PDCD2: variants seen among roughly 807,000 people sequenced by gnomAD.
The protein encoded by PDCD2 is uS5 assembly chaperone PDCD2.
In PDCD2, 38 loss-of-function variants were observed where a neutral mutation model predicts 38.1. The observed-to-expected ratio is 1.00, with a 90% confidence interval of 0.77 to 1.31. The LOEUF is 1.31. Among genes scored for constraint, PDCD2 ranks in the 50% most tolerant of loss-of-function variants. PDCD2 has a pLI of 0.00. For missense variants in PDCD2, 473 were observed against 435.7 expected, an observed-to-expected ratio of 1.09 and a Z score of -0.76; for synonymous variants, 205 against 168.9, an observed-to-expected ratio of 1.21 and a Z score of -1.66.
intron 1 of PDCD2, 140 bp downstream of exon 1, chr6:170,584,159 G>T: frequency 1.1e-6 from 1 of 928,708 alleles, no homozygotes; most frequent in Non-Finnish European, 1.4e-6. Context: ...GGGAGAAGGT[G>T]CTCCTGGGGC....
chr6:170,584,283 C>A lies in PDCD2; in HGVS notation c.283+16G>T, dbSNP rs918129262. 1.4e-6 allele frequency: 2 copies of A among 1,414,164 alleles called. No individual in the cohort carries two copies. The highest frequency in any genetic ancestry group is 1.8e-6 in the Non-Finnish European group (2 of 1,088,036). 87.6% of individuals were successfully genotyped at this position (1,414,164 alleles called of 1,614,324 possible). A position where few individuals can be genotyped will look rare whatever the true frequency, so the allele number is the denominator to read the frequency against. The stretch of plus-strand genomic sequence containing the variant: ...TCGGAGGCATGGCCCCGTCCCGACC[C>A]CGTTTGGCGGCTCACCTCGCAGGCC... On this transcript the variant is annotated intron_variant, in intron 1 of 5. Transcript: ENST00000541970.
At chr6:170,579,110 A>T in intron 4 of PDCD2, 140 bp from the exon 5 acceptor site, 1 of 590,094 alleles carries the variant, frequency 1.7e-6, no homozygotes, top group Non-Finnish European at 3.0e-6. Context: ...CCCCCATCAG[A>T]CCTGGCTGTA....
Position 170,584,601 on chromosome 6 carries a change from G to T in PDCD2, c.-20C>A, listed in dbSNP as rs771116468. On this transcript the variant is annotated 5_prime_UTR_variant, in exon 1 of 6. Transcript: ENST00000541970. The stretch of plus-strand genomic sequence containing the variant: ...AGCCATGCGGGGCGCGGGCTGGCGT[G>T]GGGCGCAGCCCACAGCTGGGTCGGA... The T allele has an allele frequency of 2.4e-6, 3 of 1,239,508 alleles. No individual in the cohort carries two copies. The highest frequency in any genetic ancestry group is 2.0e-6 in the Non-Finnish European group (2 of 985,250). The allele number at this position is 1,239,508 out of a possible 1,614,324, so 76.8% of individuals were successfully genotyped here. A position where few individuals can be genotyped will look rare whatever the true frequency, so the allele number is the denominator to read the frequency against.
intron 3 of PDCD2, among the ~76,000 whole-genome samples, chr6:170,580,325 G>A (rs2115012651): frequency 6.6e-6 from 1 of 152,224 alleles, no homozygotes; most frequent in Non-Finnish European, 1.5e-5. Flanking sequence ...AATGGTCAAG[G>A]GCTTAGGACT....
rs754140920 is a variant in PDCD2 at position 170,577,602 on chromosome 6, G to C, written c.992C>G (p.Thr331Arg). The C allele has an allele frequency of 6.2e-7, 1 of 1,614,076 alleles. No homozygotes were observed. Among genetic ancestry groups the C allele is most frequent in the Non-Finnish European group, 8.5e-7 (1 of 1,180,004 alleles). The change falls in exon 6 of 6, where the codon ACA (threonine) becomes AGA (arginine). Residue 331 changes from threonine to arginine, a missense_variant. Transcript: ENST00000541970. ...ATCCTGCTTCCACACAAATTCTTCT[G>C]TATAGCCAGTACCCAAGCTGCAGCT... is the stretch of plus-strand genomic sequence containing the variant. ...AESCSLGTGY[T>R]EEFVWKQDVT...
In PDCD2 at chr6:170,577,348, G is replaced by C. The variant is rs1779473482; in HGVS notation, c.*211C>G. ...CAATATAGGTGTTATAATTAAGACTGTGTAGCCTTCCTCTGTGGATGTACC... is the reference window on the plus strand; with the variant it reads ...CAATATAGGTGTTATAATTAAGACTCTGTAGCCTTCCTCTGTGGATGTACC... On this transcript the variant is annotated 3_prime_UTR_variant, in exon 6 of 6. Coordinates refer to ENST00000541970, the MANE Select transcript of PDCD2 (RefSeq NM_002598.4). 2 of 522,740 alleles carry C rather than the reference G, an allele frequency of 3.8e-6. No individual in the cohort carries two copies. The highest frequency in any genetic ancestry group is 6.9e-6 in the Non-Finnish European group (2 of 290,494). The allele number at this position is 522,740 out of a possible 1,614,324, so 32.4% of individuals were successfully genotyped here. A position where few individuals can be genotyped will look rare whatever the true frequency, so the allele number is the denominator to read the frequency against.
At chr6:170,583,357 T>G (rs77956298) in intron 2 of PDCD2, 148 bp downstream of exon 2, 2 of 203,340 alleles carry the variant, frequency 9.8e-6, no homozygotes, top group African/African-American at 5.3e-5. Flanking sequence ...CTTCACAGCC[T>G]TTTTTTTTTT....
intron 3 of PDCD2, 168 bp downstream of exon 3, chr6:170,582,889 A>T (rs1423694761): frequency 7.0e-7 from 1 of 1,433,400 alleles, no homozygotes; most frequent in Non-Finnish European, 9.1e-7. Context: ...ATGTGTCAGA[A>T]AACAAAGTCC....
Position 170,583,532 on chromosome 6 carries a change from C to A in PDCD2, c.499G>T (p.Gly167Ter). The stretch of plus-strand genomic sequence containing the variant: ...GGTTGTGCACAAGCCTGCTTATGTC[C>A]CAATCTCCAGTCTAGGGTCTGATGC... The part of the protein sequence containing the change: ...KEHQTLDWRL[G>*]HKQACAQPDH... The change falls in exon 2 of 6, where the codon GGA becomes TGA. Residue 167 changes from glycine to a stop codon, truncating the protein, a stop_gained. Coordinates refer to ENST00000541970, the MANE Select transcript of PDCD2 (RefSeq NM_002598.4). LOFTEE classifies it high-confidence loss of function. 1.2e-6 allele frequency: 2 copies of A among 1,613,008 alleles called. No individual in the cohort carries two copies. The highest frequency in any genetic ancestry group is 1.7e-6 in the Non-Finnish European group (2 of 1,179,190).
chr6:170,579,914 A>T (rs1779547127), intron 4 of PDCD2, 88 bp downstream of exon 4: 1 of 756,336 alleles, frequency 1.3e-6, no homozygotes, highest in Middle Eastern at 3.4e-4. Flanking sequence ...GAACAGACTA[A>T]TGTTACTATG....
Position 170,577,467 on chromosome 6 carries a change from T to G in PDCD2, c.*92A>C. ...CTGTCAACATCTCTGCACCTCTATT[T>G]TTGGTATAAGTATTTCCTTAGGATA... On this transcript the variant is annotated 3_prime_UTR_variant, in exon 6 of 6. Transcript: ENST00000541970. 1 of 1,088,008 alleles carries G rather than the reference T, an allele frequency of 9.2e-7. No homozygotes were observed. Among genetic ancestry groups the G allele is most frequent in the Non-Finnish European group, 1.3e-6 (1 of 750,422 alleles). The allele number at this position is 1,088,008 out of a possible 1,614,324, so 67.4% of individuals were successfully genotyped here.
At chr6:170,584,118 T>C in intron 1 of PDCD2, 181 bp downstream of exon 1, 1 of 608,392 alleles carries the variant, frequency 1.6e-6, no homozygotes, top group Non-Finnish European at 2.5e-6. Context: ...GAAGCTTATG[T>C]AGCAAAAATG....
intron 5 of PDCD2, chr6:170,578,559 A>G (rs2115010127): frequency 1.4e-6 from 1 of 693,708 alleles, no homozygotes; most frequent in South Asian, 1.5e-5. Context: ...AAAAGTTAAC[A>G]GAGGCACTAA....
intron 1 of PDCD2, chr6:170,583,952 A>C: frequency 1.2e-5 from 7 of 587,786 alleles, no homozygotes; most frequent in Non-Finnish European, 2.1e-5. Context: ...TGAGTTAATC[A>C]AATTAATAAG....
intron 1 of PDCD2, 93 bp downstream of exon 1, chr6:170,584,206 G>T (rs1779727735): frequency 2.4e-6 from 3 of 1,238,348 alleles, no homozygotes; most frequent in Non-Finnish European, 3.1e-6. Flanking sequence ...GGGCGGCAGC[G>T]GTGCTTGCCG....
chr6:170,577,419 T>G lies in PDCD2; in HGVS notation c.*140A>C. 1 of 704,702 alleles carries G rather than the reference T, an allele frequency of 1.4e-6. No individual in the cohort carries two copies. Among genetic ancestry groups the G allele is most frequent in the Non-Finnish European group, 2.3e-6 (1 of 432,272 alleles). The allele number at this position is 704,702 out of a possible 1,614,324, so 43.7% of individuals were successfully genotyped here. On this transcript the variant is annotated 3_prime_UTR_variant, in exon 6 of 6. Transcript: ENST00000541970. ...TCACTGGACACTTTTGTTTCACTAA[T>G]AAGTAGACACTGTGTAAGCAATCTG...
At chr6:170,583,283 T>C (rs1166760739) in intron 2 of PDCD2, 95 bp from the exon 3 acceptor site, 1 of 1,001,804 alleles carries the variant, frequency 1.0e-6, no homozygotes, top group African/African-American at 1.6e-5. Context: ...CCTATAGTTC[T>C]GGCATTTTAG....
At position 170,577,741 on chromosome 6, in the gene PDCD2, T is replaced by C. The variant is rs144564779; in HGVS notation, c.877-24A>G. 1.5e-3 allele frequency: 2,362 copies of C among 1,610,166 alleles called. 3 individuals are homozygous for C. The highest frequency in any genetic ancestry group is 1.9e-3 in the Non-Finnish European group (2,266 of 1,178,880). On this transcript the variant is annotated intron_variant, in intron 5 of 5. Transcript: ENST00000541970. ...ACCTGAGAAGAGGGTGACACACAGT[T>C]AGAAAGCTGCTTCACAGCAGGGAGC...
intron 3 of PDCD2, chr6:170,582,768 C>A (rs2072917): frequency 0.52 from 652,278 of 1,265,524 alleles, 170,845 homozygotes; most frequent in East Asian, 0.78. Flanking sequence ...CCCGAGAAAC[C>A]GATCTGCGAC....
Sources: allele counts gnomAD v4.1 joint callset (sites outside exome capture counted in the v4.1 genomes callset), GRCh38; gene constraint gnomAD v4.1.1; transcripts MANE v1.5; gene names NCBI Gene and HGNC (gene_info 2026-07-23, HGNC 2026-07-21).